The following ARHGEF4 variants were observed in gnomAD, a reference collection of about 807,000 sequenced individuals.
The protein encoded by ARHGEF4 is Rho guanine nucleotide exchange factor 4.
A neutral mutation model predicts 162.0 loss-of-function variants in ARHGEF4; 119 were observed. The observed-to-expected ratio is 0.73, with a 90% confidence interval of 0.63 to 0.86. The LOEUF is 0.86. Ranked by LOEUF, ARHGEF4 falls within the 40% of genes least tolerant of loss-of-function variation. ARHGEF4 has a pLI of 0.00. For missense variants in ARHGEF4, 2,488 were observed against 2,456.0 expected (o/e 1.01, Z -0.28); for synonymous variants, 1,014 against 979.9 (o/e 1.03, Z -0.65).
At chr2:131,009,000 T>C (rs1403337299) in intron 4 of ARHGEF4, among the ~76,000 whole-genome samples, 1 of 152,262 alleles carries the variant, frequency 6.6e-6, no homozygotes, top group South Asian at 2.1e-4. Flanking sequence ...GTGCTTATCA[T>C]TTTATCTTGA....
At chr2:130,887,578 C>T (rs4850264) in intron 1 of ARHGEF4, among the ~76,000 whole-genome samples, 26,781 of 151,864 alleles carry the variant, frequency 0.18, 2,881 homozygotes, top group East Asian at 0.34. Context: ...CTACTAGTTA[C>T]GTATGTGTTT....
chr2:130,871,333 C>T (rs1431419321), intron 1 of ARHGEF4, among the ~76,000 whole-genome samples: 3 of 152,032 alleles, frequency 2.0e-5, no homozygotes, highest in African/African-American at 4.8e-5. Context: ...GTCAGAAGTT[C>T]GAGACTAGCC....
At chr2:130,939,572 T>G (rs1295626156) in intron 3 of ARHGEF4, among the ~76,000 whole-genome samples, 1 of 152,212 alleles carries the variant, frequency 6.6e-6, no homozygotes, top group Non-Finnish European at 1.5e-5. Context: ...ACACGTTCCA[T>G]GGCTAGTTCC....
chr2:130,969,825 G>A lies in ARHGEF4; in HGVS notation c.3985+23190G>A, dbSNP rs1254974110. Among the ~76,000 whole-genome samples the A allele has an allele frequency of 6.6e-5, 10 of 152,170 alleles. 1 individual carries two copies. The South Asian group carries it at 1.7e-3, about 25-fold the overall frequency. The stretch of plus-strand genomic sequence containing the variant: ...ATTCATTCCCCAACTCCAGTGCCTC[G>A]CTGATCTAGACTCCATCCCTAGGGA... On this transcript the variant is annotated intron_variant, in intron 4 of 13. Coordinates refer to ENST00000409359, the MANE Select transcript of ARHGEF4 (RefSeq NM_001367493.1).
chr2:130,877,753 G>A (rs1243807760), intron 1 of ARHGEF4, among the ~76,000 whole-genome samples: 1 of 152,086 alleles, frequency 6.6e-6, no homozygotes, highest in Non-Finnish European at 1.5e-5. Context: ...CCAAACCTTG[G>A]AACAACATAT....
chr2:130,913,732 C>T (rs563237688), intron 1 of ARHGEF4, among the ~76,000 whole-genome samples: 4 of 152,294 alleles, frequency 2.6e-5, no homozygotes, highest in East Asian at 1.9e-4. Context: ...TGCGTTGGTC[C>T]GGTTCTGATT....
intron 1 of ARHGEF4, among the ~76,000 whole-genome samples, chr2:130,875,413 T>C (rs1678765337): frequency 1.3e-5 from 2 of 152,188 alleles, no homozygotes; most frequent in Non-Finnish European, 2.9e-5. Flanking sequence ...GGTTGATGGT[T>C]CTGGAGGCTG....
chr2:130,912,738 G>A (rs1681265445), intron 1 of ARHGEF4, among the ~76,000 whole-genome samples: 1 of 152,076 alleles, frequency 6.6e-6, no homozygotes, highest in African/African-American at 2.4e-5. Flanking sequence ...GTTTGTCAGA[G>A]TTCAAGTCAT....
At chr2:131,003,034 G>C (rs1056483166) in intron 4 of ARHGEF4, among the ~76,000 whole-genome samples, 5 of 152,168 alleles carry the variant, frequency 3.3e-5, no homozygotes, top group African/African-American at 1.2e-4. Flanking sequence ...GATAGGGACT[G>C]TTCGGACAAG....
intron 4 of ARHGEF4, among the ~76,000 whole-genome samples, chr2:130,991,531 C>T (rs1326813493): frequency 2.0e-5 from 3 of 152,200 alleles, no homozygotes; most frequent in African/African-American, 7.2e-5. Context: ...GCGGGCCCGG[C>T]ACTCGGAGCA....
chr2:131,019,625 G>GGTTTTT (rs905506184), intron 4 of ARHGEF4, among the ~76,000 whole-genome samples: 2 of 124,396 alleles, frequency 1.6e-5, no homozygotes, highest in African/African-American at 5.4e-5. Context: ...TTTATTCTTT[G>GGTTTTT]GTTTTTGTTT....
chr2:130,894,043 AGGCACC>A (rs1680015511), intron 1 of ARHGEF4, among the ~76,000 whole-genome samples: 1 of 152,250 alleles, frequency 6.6e-6, no homozygotes, highest in Admixed American at 6.5e-5. Flanking sequence ...GGGTCGAGGC[AGGCACC>A]GGCACATCAT....
In ARHGEF4 at chr2:130,917,073, C is replaced by G; in HGVS notation, c.3127C>G (p.Pro1043Ala). 6.4e-7 allele frequency: 1 copy of G among 1,550,746 alleles called. No individual in the cohort carries two copies. The highest frequency in any genetic ancestry group is 8.7e-7 in the Non-Finnish European group (1 of 1,147,028). ...TATQEGGRYLPSGIFPEKSWL... is the reference protein window; with the variant it reads ...TATQEGGRYLASGIFPEKSWL... ...CACCCAGGAAGGCGGTAGGTACCTA[C>G]CTTCAGGTATCTTTCCGGAAAAGTC... The change falls in exon 2 of 14, where the codon CCT becomes GCT. Residue 1043 changes from proline (P) to alanine (A), a missense_variant. By Grantham distance (27) the Pro-to-Ala change is conservative. Around this residue, in one of 6 missense-constraint regions of ARHGEF4, gnomAD observed 1,642 missense variants for 1,481.5 expected, o/e 1.11. Transcript: ENST00000409359.
chr2:131,045,970 G>A (rs2105427577), intron 13 of ARHGEF4, 68 bp from the exon 14 acceptor site: 1 of 1,556,006 alleles, frequency 6.4e-7, no homozygotes, highest in Non-Finnish European at 8.7e-7. Flanking sequence ...ACCCCATGCT[G>A]TCCCCAACAG....
chr2:130,914,787 A>T lies in ARHGEF4; in HGVS notation c.841A>T (p.Thr281Ser). The T allele has an allele frequency of 1.4e-6, 2 of 1,438,922 alleles. No homozygotes were observed. The highest frequency in any genetic ancestry group is 1.8e-6 in the Non-Finnish European group (2 of 1,100,938). 89.1% of individuals were successfully genotyped at this position (1,438,922 alleles called of 1,614,324 possible). ...AAGTACTCTAGGCCCTGCAGGGGAC[A>T]CAGAATTGCTCTGGTCCCAGCCCCA... ...KESTLGPAGD[T>S]ELLWSQPHSD... is the part of the protein sequence containing the mutation. The change falls in exon 2 of 14, where the codon ACA (threonine) becomes TCA (serine). Residue 281 changes from threonine to serine, a missense_variant. Transcript: ENST00000409359.
chr2:130,936,166 G>C (rs1434479002), intron 3 of ARHGEF4, among the ~76,000 whole-genome samples: 1 of 152,144 alleles, frequency 6.6e-6, no homozygotes, highest in Non-Finnish European at 1.5e-5. Context: ...TTCTGTTGTT[G>C]TTTGGTTTAG....
chr2:130,837,899 T>G (rs925049314), intron 1 of ARHGEF4, among the ~76,000 whole-genome samples: 71 of 152,192 alleles, frequency 4.7e-4, no homozygotes, highest in Admixed American at 3.3e-4. Flanking sequence ...GCAGCCATCT[T>G]CTCCCGGAGT....
chr2:130,852,823 A>G, intron 1 of ARHGEF4, among the ~76,000 whole-genome samples: 1 of 151,998 alleles, frequency 6.6e-6, no homozygotes, highest in Non-Finnish European at 1.5e-5. Flanking sequence ...AGGAGGCACC[A>G]CTCCTCAGGG....
At chr2:130,853,053 C>T (rs1681521551) in intron 1 of ARHGEF4, among the ~76,000 whole-genome samples, 1 of 152,214 alleles carries the variant, frequency 6.6e-6, no homozygotes, top group Admixed American at 6.5e-5. Flanking sequence ...ATGTCCAGCA[C>T]CAAGGCCATG....
Sources: gnomAD v4.1 joint callset for allele counts (sites outside exome capture counted in the v4.1 genomes callset) on GRCh38, gnomAD v4.1.1 for gene constraint, gnomAD v4.1.1 regional missense constraint, MANE v1.5 for transcripts, NCBI Gene and HGNC (gene_info 2026-07-23, HGNC 2026-07-21) for gene names.